SYNE1: variants seen among roughly 807,000 people sequenced by gnomAD.
SYNE1 encodes nesprin-1.
Under a neutral mutation model 1,111.0 loss-of-function variants are expected in SYNE1, and 616 were observed. The ratio of observed to expected loss-of-function variants is 0.55; its 90% confidence interval spans 0.52 to 0.59. The LOEUF is 0.59. Ranked by LOEUF, SYNE1 falls within the 20% of genes least tolerant of loss-of-function variation. The probability of loss-of-function intolerance (pLI) is 0.00; values close to 1 mark genes in which losing one functional copy is unlikely to be tolerated. For missense variants in SYNE1, 10,006 were observed against 10,417.0 expected (o/e 0.96, Z 1.72); for synonymous variants, 3,855 against 3,825.8 (o/e 1.01, Z -0.28).
At chr6:152,139,740 A>AGAAG in intron 140 of SYNE1, among the ~76,000 whole-genome samples, 1 of 150,294 alleles carries the variant, frequency 6.7e-6, no homozygotes, top group South Asian at 2.1e-4. Context: ...AAAGAAAGAA[A>AGAAG]GAAAGAAAGA....
intron 144 of SYNE1, 35 bp from the exon 145 acceptor site, chr6:152,130,813 A>T: frequency 6.2e-7 from 1 of 1,610,236 alleles, no homozygotes; most frequent in Middle Eastern, 1.7e-4. Flanking sequence ...AGAAAGAAGA[A>T]TGTTCAGTCC....
At chr6:152,610,794 T>A (rs894233740) in intron 3 of SYNE1, among the ~76,000 whole-genome samples, 3 of 152,170 alleles carry the variant, frequency 2.0e-5, no homozygotes, top group Non-Finnish European at 4.4e-5. Flanking sequence ...ACAGTGGATC[T>A]CTCAGCAGAA....
At position 152,404,426 on chromosome 6, in the gene SYNE1, G is replaced by A. The variant is rs2097864412; in HGVS notation, c.6724-112C>T. 9 of 780,284 alleles carry A rather than the reference G, an allele frequency of 1.2e-5. No homozygotes were observed. The South Asian group carries it at 1.3e-4, about 12-fold the overall frequency. 48.3% of individuals were successfully genotyped at this position (780,284 alleles called of 1,614,324 possible). ...CGAAATACCCCAACTTTAAGCCAGT[G>A]TAAAAAAAAATCTGTTTCATTTTTC... On this transcript the variant is annotated intron_variant, in intron 45 of 145. Coordinates refer to ENST00000367255, the MANE Select transcript of SYNE1 (RefSeq NM_182961.4).
At chr6:152,342,054 C>T (rs1011980503) in intron 74 of SYNE1, among the ~76,000 whole-genome samples, 2 of 152,204 alleles carry the variant, frequency 1.3e-5, no homozygotes, top group African/African-American at 4.8e-5. Context: ...AGTGTCTCCA[C>T]CACCTCGAAC....
intron 13 of SYNE1, 139 bp downstream of exon 13, chr6:152,484,696 T>C (rs1476750392): frequency 1.7e-5 from 15 of 875,924 alleles, no homozygotes; most frequent in Non-Finnish European, 2.6e-5. Context: ...GAGGCAAAGA[T>C]TCTCCCATAG....
In SYNE1 at chr6:152,381,300, G is replaced by A. The variant is rs776177083; in HGVS notation, c.8715C>T (p.Pro2905=). 3.1e-6 allele frequency: 5 copies of A among 1,614,068 alleles called. No individual in the cohort carries two copies. The highest frequency in any genetic ancestry group is 2.2e-5 in the South Asian group (2 of 91,082). Residue 2905 remains proline (P), a synonymous_variant, in exon 56 of 146, where the codon CCC becomes CCT. Coordinates refer to ENST00000367255, the MANE Select transcript of SYNE1 (RefSeq NM_182961.4). ...TGGCAGTTGTGTTCTGTTTCACTTC[G>A]GGAGCCAGCGACTCCACTCTGCTGA... ...SRLSRVESLA[P]EVKQNTTASG...
In SYNE1 at chr6:152,201,912, A is replaced by G. The variant is rs1563454968; in HGVS notation, c.23057T>C (p.Leu7686Pro). ...CTTTTTGAAAGTTCGTAGTTTCTCC[A>G]GGGAATCTGCTATTCCTTTCTCACA... is the stretch of plus-strand genomic sequence containing the variant. ...EKCEKGIADS[L>P]EKLRTFKKKL... Residue 7686 changes from leucine (L) to proline (P), a missense_variant, in exon 127 of 146, where the codon CTG becomes CCG. This residue lies in a region of SYNE1 where 2,182 missense variants were observed against 2,287.8 expected (regional missense o/e 0.95). Transcript: ENST00000367255. The G allele has an allele frequency of 6.2e-7, 1 of 1,613,974 alleles. No homozygotes were observed. The highest frequency in any genetic ancestry group is 1.1e-5 in the South Asian group (1 of 91,076).
intron 3 of SYNE1, among the ~76,000 whole-genome samples, chr6:152,543,438 C>G (rs1209103190): frequency 6.6e-6 from 1 of 152,168 alleles, no homozygotes; most frequent in Non-Finnish European, 1.5e-5. Context: ...GAAAACCTTA[C>G]TCCCAAGATT....
At chr6:152,398,817 A>T (rs2097772145) in intron 48 of SYNE1, 86 bp from the exon 49 acceptor site, 1 of 1,005,588 alleles carries the variant, frequency 9.9e-7, no homozygotes, top group Non-Finnish European at 1.5e-6. Context: ...TTACCACATG[A>T]ATTATTTCTG....
At chr6:152,604,990 AAGAAAGAAAGAAAGAAAGAGAGAGAG>A (rs1565138642) in intron 3 of SYNE1, among the ~76,000 whole-genome samples, 1 of 27,218 alleles carries the variant, frequency 3.7e-5, no homozygotes, top group African/African-American at 1.7e-4. Flanking sequence ...GAAAGAAAGA[AAGAAAGAAAGAAAGAAAGAGAGAGAG>A]AGAGAGAGAG....
Position 152,362,172 on chromosome 6 carries a change from T to G in SYNE1, c.10297A>C (p.Lys3433Gln). 6.2e-7 allele frequency: 1 copy of G among 1,614,244 alleles called. No individual in the cohort carries two copies. The highest frequency in any genetic ancestry group is 8.5e-7 in the Non-Finnish European group (1 of 1,180,048). ...GGAATCTGAAATCCAGCTCTCACCTTGGCTTTTCCGAGCATCGTTGTTTTA... is the reference window on the plus strand; with the variant it reads ...GGAATCTGAAATCCAGCTCTCACCTGGGCTTTTCCGAGCATCGTTGTTTTA... ...RDKTTMLGKA[K>Q]LLNEEVLSYS... The change falls in exon 64 of 146, where the codon AAG (lysine) becomes CAG (glutamine). Residue 3433 changes from lysine (K) to glutamine (Q), a missense_variant and splice_region_variant. Transcript: ENST00000367255.
chr6:152,381,399 G>C (rs574437669), intron 55 of SYNE1, 37 bp from the exon 56 acceptor site: 1 of 1,602,314 alleles, frequency 6.2e-7, no homozygotes, highest in African/African-American at 1.3e-5. Context: ...TGAAGAGCCT[G>C]TGAGTCACTT....
chr6:152,293,561 G>A (rs922814654), intron 95 of SYNE1, 27 bp downstream of exon 95: 23 of 1,613,378 alleles, frequency 1.4e-5, no homozygotes, highest in Admixed American at 8.3e-5. Flanking sequence ...CAATCAAGTA[G>A]GAAACTGAAG....
At chr6:152,177,340 T>G (rs1307718487) in intron 129 of SYNE1, among the ~76,000 whole-genome samples, 1 of 152,198 alleles carries the variant, frequency 6.6e-6, no homozygotes, top group African/African-American at 2.4e-5. Flanking sequence ...TGACTGCCAC[T>G]GCTATCCCCA....
intron 45 of SYNE1, among the ~76,000 whole-genome samples, chr6:152,405,269 G>A (rs1047231671): frequency 2.6e-5 from 4 of 152,280 alleles, no homozygotes; most frequent in Admixed American, 6.5e-5. Context: ...AATGTGGCTC[G>A]GAAGCATATT....
rs191823864 is a variant in SYNE1 at position 152,446,674 on chromosome 6, C to G, written c.3669+784G>C. Reference sequence around the variant, plus strand: ...GATTTCAAGAAATACTGGTAAATATCTATTCTACTTTACGTTCTTACATTA... The same window carrying G: ...GATTTCAAGAAATACTGGTAAATATGTATTCTACTTTACGTTCTTACATTA... On this transcript the variant is annotated intron_variant, in intron 29 of 145. Transcript: ENST00000367255. Among the ~76,000 whole-genome samples, 393 of 152,244 alleles carry G rather than the reference C, an allele frequency of 2.6e-3. 5 individuals carry two copies. The highest frequency in any genetic ancestry group is 8.2e-3 in the African/African-American group (340 of 41,552).
intron 128 of SYNE1, among the ~76,000 whole-genome samples, chr6:152,181,926 C>T (rs2068197174): frequency 6.6e-6 from 1 of 152,204 alleles, no homozygotes; most frequent in African/African-American, 2.4e-5. Context: ...TACATCTTCA[C>T]CAACACTTGA....
intron 105 of SYNE1, among the ~76,000 whole-genome samples, chr6:152,245,702 C>A (rs2086938821): frequency 6.6e-6 from 1 of 152,116 alleles, no homozygotes. Context: ...GGATCTCCAC[C>A]ACCCACTTCA....
intron 140 of SYNE1, 77 bp downstream of exon 140, chr6:152,139,873 C>A: frequency 6.6e-7 from 1 of 1,510,242 alleles, no homozygotes; most frequent in Non-Finnish European, 9.2e-7. Flanking sequence ...GCAGCTCGAA[C>A]TAGAGGTGCC....
Sources: gnomAD v4.1 joint callset for allele counts (sites outside exome capture counted in the v4.1 genomes callset) on GRCh38, gnomAD v4.1.1 for gene constraint, gnomAD v4.1.1 regional missense constraint, MANE v1.5 for transcripts, NCBI Gene and HGNC (gene_info 2026-07-23, HGNC 2026-07-21) for gene names.